Variants in ROBO2 observed in about 807,000 individuals in gnomAD.
ROBO2 encodes roundabout homolog 2.
Under a neutral mutation model 160.8 loss-of-function variants are expected in ROBO2, and 53 were observed. The observed-to-expected ratio is 0.33, with a 90% CI of 0.26 to 0.41. The LOEUF is 0.41. Ranked by LOEUF, ROBO2 falls within the 10% of genes least tolerant of loss-of-function variation. The probability of loss-of-function intolerance (pLI) is 1.00; values close to 1 mark genes in which losing one functional copy is unlikely to be tolerated. For missense variants in ROBO2, 1,577 were observed against 1,722.4 expected, an observed-to-expected ratio of 0.92 and a Z score of 1.49; for synonymous variants, 664 against 611.7, an observed-to-expected ratio of 1.09 and a Z score of -1.26.
rs540479844 is a variant in ROBO2, at chr3:77,219,558, T to C, written c.388+121218T>C. Among the ~76,000 whole-genome samples the C allele has an allele frequency of 2.8e-3, 417 of 146,930 alleles. 1 individual carries two copies. Among genetic ancestry groups the C allele is most frequent in the African/African-American group, 1.0e-2 (401 of 40,234 alleles). Reference sequence around the variant, plus strand: ...ATATATGTCACCTGAGTGCTTTCTTTTGGGGGTAAAGTATTTGACTGAGAC... The same window carrying C: ...ATATATGTCACCTGAGTGCTTTCTTCTGGGGGTAAAGTATTTGACTGAGAC... On this transcript the variant is annotated intron_variant, in intron 2 of 25. Transcript: ENST00000461745.
At chr3:76,663,916 A>AG (rs1327565708) in intron 2 of ROBO2, among the ~76,000 whole-genome samples, 1 of 152,084 alleles carries the variant, frequency 6.6e-6, no homozygotes, top group East Asian at 1.9e-4. Context: ...GAAAAAAAAA[A>AG]AAGAAAAGGC....
chr3:76,252,796 G>A (rs553357197), intron 2 of ROBO2, among the ~76,000 whole-genome samples: 1 of 148,290 alleles, frequency 6.7e-6, no homozygotes, highest in African/African-American at 2.5e-5. Context: ...CACACACAGA[G>A]TTTTTTTGTT....
chr3:76,320,231 C>T (rs1482230455), intron 2 of ROBO2, among the ~76,000 whole-genome samples: 3 of 152,036 alleles, frequency 2.0e-5, no homozygotes, highest in Non-Finnish European at 4.4e-5. Flanking sequence ...ATTTGAATGA[C>T]TACATTTTGA....
chr3:77,355,537 G>T (rs557980102), intron 2 of ROBO2, among the ~76,000 whole-genome samples: 8 of 152,230 alleles, frequency 5.3e-5, no homozygotes, highest in Non-Finnish European at 1.2e-4. Flanking sequence ...GCAGGAAGGT[G>T]CTGAGATGCG....
At chr3:76,005,962 A>T (rs1439145239) in intron 2 of ROBO2, among the ~76,000 whole-genome samples, 2 of 152,204 alleles carry the variant, frequency 1.3e-5, no homozygotes, top group Non-Finnish European at 2.9e-5. Context: ...TTGCTTACAA[A>T]ACAAAAGACT....
intron 2 of ROBO2, among the ~76,000 whole-genome samples, chr3:76,213,573 T>C (rs1703291142): frequency 6.6e-6 from 1 of 152,188 alleles, no homozygotes; most frequent in South Asian, 2.1e-4. Flanking sequence ...TTCACCTTTA[T>C]ACATCTATTT....
intron 6 of ROBO2, among the ~76,000 whole-genome samples, chr3:77,544,006 T>C (rs2092594335): frequency 6.6e-6 from 1 of 152,128 alleles, no homozygotes; most frequent in Non-Finnish European, 1.5e-5. Context: ...TTATTATTTT[T>C]CTTTATAGGA....
At chr3:76,055,953 T>C (rs1285340088) in intron 2 of ROBO2, among the ~76,000 whole-genome samples, 1 of 152,158 alleles carries the variant, frequency 6.6e-6, no homozygotes. Flanking sequence ...ACAAACTTGA[T>C]TGACTAATTT....
intron 1 of ROBO2, among the ~76,000 whole-genome samples, chr3:77,095,328 T>G (rs1305097647): frequency 6.6e-6 from 1 of 152,152 alleles, no homozygotes; most frequent in Non-Finnish European, 1.5e-5. Flanking sequence ...GGAGTTTAAT[T>G]TTATTGCTAA....
intron 2 of ROBO2, among the ~76,000 whole-genome samples, chr3:76,355,042 G>GTA (rs1388145211): frequency 6.6e-6 from 1 of 151,346 alleles, no homozygotes; most frequent in African/African-American, 2.4e-5. Context: ...ATGTGTATGT[G>GTA]TATGTGTGTG....
chr3:76,672,870 A>G (rs545899932), intron 2 of ROBO2, among the ~76,000 whole-genome samples: 1 of 152,260 alleles, frequency 6.6e-6, no homozygotes, highest in South Asian at 2.1e-4. Flanking sequence ...CGTATCTTTG[A>G]TTTTCAGAAG....
intron 24 of ROBO2, chr3:77,642,839 C>G (rs933251686): frequency 2.2e-6 from 1 of 456,570 alleles, no homozygotes. Context: ...GATTGTCCAG[C>G]TAGAACCTCC....
At chr3:77,356,277 T>C (rs1400824245) in intron 2 of ROBO2, among the ~76,000 whole-genome samples, 1 of 152,114 alleles carries the variant, frequency 6.6e-6, no homozygotes, top group Non-Finnish European at 1.5e-5. Context: ...TTCAGCATGA[T>C]TCTACTGATA....
At chr3:77,587,653 T>C (rs2094087160) in intron 16 of ROBO2, among the ~76,000 whole-genome samples, 1 of 152,104 alleles carries the variant, frequency 6.6e-6, no homozygotes, top group Non-Finnish European at 1.5e-5. Context: ...ACTTAGCTAG[T>C]AAGTGGCAGA....
intron 2 of ROBO2, among the ~76,000 whole-genome samples, chr3:77,220,154 G>T (rs2085593978): frequency 6.6e-6 from 1 of 152,008 alleles, no homozygotes; most frequent in African/African-American, 2.4e-5. Flanking sequence ...CGGACTACAG[G>T]CACGTGCCAC....
At chr3:76,858,412 C>G (rs771059264) in intron 2 of ROBO2, among the ~76,000 whole-genome samples, 1 of 151,974 alleles carries the variant, frequency 6.6e-6, no homozygotes, top group African/African-American at 2.4e-5. Context: ...ACAAGGCACC[C>G]GCCACCACAC....
chr3:76,383,391 C>T (rs889793137), intron 2 of ROBO2, among the ~76,000 whole-genome samples: 2 of 152,078 alleles, frequency 1.3e-5, no homozygotes, highest in Non-Finnish European at 2.9e-5. Flanking sequence ...TTAATATTCC[C>T]TCTGAAGAAT....
chr3:76,987,447 T>C (rs2060443480), intron 2 of ROBO2, among the ~76,000 whole-genome samples: 1 of 152,194 alleles, frequency 6.6e-6, no homozygotes, highest in African/African-American at 2.4e-5. Flanking sequence ...GGTTTAGAGC[T>C]GAATTCCTTG....
At chr3:76,337,947 GA>G (rs1188426208) in intron 2 of ROBO2, among the ~76,000 whole-genome samples, 3 of 152,168 alleles carry the variant, frequency 2.0e-5, no homozygotes, top group South Asian at 4.2e-4. Context: ...GGTAAAACTA[GA>G]AATAGAACTT....
Sources: allele counts gnomAD v4.1 joint callset (sites outside exome capture counted in the v4.1 genomes callset), GRCh38; gene constraint gnomAD v4.1.1; transcripts MANE v1.5; gene names NCBI Gene and HGNC (gene_info 2026-07-23, HGNC 2026-07-21).